Variants in LAIR2 observed in about 807,000 individuals in gnomAD.
LAIR2 encodes leukocyte associated immunoglobulin like receptor 2.
Under a neutral mutation model 14.8 loss-of-function variants are expected in LAIR2, and 14 were observed. That is an observed-to-expected ratio of 0.95 (90% CI 0.62 to 1.48). LAIR2 has a LOEUF of 1.48. LAIR2 is among the 40% of genes most tolerant of loss of function. The pLI is 0.00. For missense variants in LAIR2, 172 were observed against 180.9 expected (o/e 0.95, Z 0.28); for synonymous variants, 75 against 74.5 (o/e 1.01, Z -0.03).
intron 1 of LAIR2, among the ~76,000 whole-genome samples, chr19:54,503,265 A>T (rs1456990583): frequency 6.6e-6 from 1 of 151,982 alleles, no homozygotes; most frequent in East Asian, 1.9e-4. Context: ...GTTTGAGACC[A>T]GCCTGGCCAA....
intron 1 of LAIR2, 130 bp downstream of exon 1, chr19:54,503,082 A>T (rs186371342): frequency 1.2e-6 from 1 of 857,606 alleles, no homozygotes; most frequent in African/African-American, 1.7e-5. Context: ...AGACTGCCCT[A>T]CTGCTCTCCC....
At chr19:54,503,871 T>C (rs1361782743) in intron 2 of LAIR2, 136 bp downstream of exon 2, 1 of 1,091,762 alleles carries the variant, frequency 9.2e-7, no homozygotes, top group African/African-American at 1.6e-5. Flanking sequence ...CTATTCCAAA[T>C]GTAAAATGCA....
intron 2 of LAIR2, among the ~76,000 whole-genome samples, chr19:54,506,114 C>T (rs1198645547): frequency 3.3e-5 from 5 of 152,018 alleles, no homozygotes; most frequent in Admixed American, 1.3e-4. Flanking sequence ...TGTGAGACAC[C>T]GCGCCTGGTC....
intron 2 of LAIR2, among the ~76,000 whole-genome samples, chr19:54,505,376 C>G (rs1290035943): frequency 6.6e-6 from 1 of 152,012 alleles, no homozygotes; most frequent in African/African-American, 2.4e-5. Context: ...TGATTTCACT[C>G]TAAATTTTTC....
intron 2 of LAIR2, among the ~76,000 whole-genome samples, chr19:54,506,050 C>T (rs1471056390): frequency 6.6e-6 from 1 of 152,128 alleles, no homozygotes; most frequent in Non-Finnish European, 1.5e-5. Context: ...GTCTCGAACT[C>T]CTGACCTCAG....
intron 2 of LAIR2, among the ~76,000 whole-genome samples, chr19:54,506,534 T>G (rs544066890): frequency 6.6e-6 from 1 of 152,048 alleles, no homozygotes; most frequent in Non-Finnish European, 1.5e-5. Flanking sequence ...GCAGAGGAGG[T>G]CAGCTCCACC....
chr19:54,502,974 A>G (rs751699570), intron 1 of LAIR2, 22 bp downstream of exon 1: 104 of 1,604,024 alleles, frequency 6.5e-5, no homozygotes, highest in Middle Eastern at 1.7e-4. Context: ...AGGGAGCGGG[A>G]AGGACTGGAA....
At chr19:54,504,979 A>G (rs2085339073) in intron 2 of LAIR2, among the ~76,000 whole-genome samples, 1 of 152,126 alleles carries the variant, frequency 6.6e-6, no homozygotes, top group African/African-American at 2.4e-5. Flanking sequence ...ACTTAGCATA[A>G]TGTCCTCTGG....
chr19:54,508,528 A>C (rs1600099034), intron 3 of LAIR2, among the ~76,000 whole-genome samples: 1 of 152,266 alleles, frequency 6.6e-6, no homozygotes, highest in African/African-American at 2.4e-5. Flanking sequence ...GTCTTTTCAC[A>C]CAGGATTGAT....
intron 2 of LAIR2, among the ~76,000 whole-genome samples, chr19:54,506,887 T>C (rs2085373691): frequency 6.6e-6 from 1 of 152,204 alleles, no homozygotes; most frequent in Non-Finnish European, 1.5e-5. Context: ...AATCACAATA[T>C]ATCATACGCT....
chr19:54,506,766 A>C (rs1022513813), intron 2 of LAIR2, among the ~76,000 whole-genome samples: 3 of 152,248 alleles, frequency 2.0e-5, no homozygotes, highest in African/African-American at 7.2e-5. Flanking sequence ...TGGTTAAAAG[A>C]AAGAAAAATG....
chr19:54,505,672 C>T (rs1568447553), intron 2 of LAIR2, among the ~76,000 whole-genome samples: 1 of 152,180 alleles, frequency 6.6e-6, no homozygotes, highest in African/African-American at 2.4e-5. Context: ...TCAACCCAGG[C>T]ACCTCTCTTT....
rs1208260258 is a variant in LAIR2, at chr19:54,508,119, G to A, written c.299G>A (p.Arg100His). Residue 100 changes from arginine (R) to histidine (H), a missense_variant, in exon 3 of 5, where the codon CGC (arginine) becomes CAC (histidine). Around this residue, in one of 2 missense-constraint regions of LAIR2, gnomAD observed 161 missense variants for 149.0 expected, o/e 1.08. Coordinates refer to ENST00000301202, the MANE Select transcript of LAIR2 (RefSeq NM_002288.6). ...AGTGAAGGAAATGCCGGGCTTTATC[G>A]CTGCCTCTATTATAAGCCCCCTGGA... ...SVSEGNAGLY[R>H]CLYYKPPGWS... 1.2e-5 allele frequency: 19 copies of A among 1,613,996 alleles called. No individual in the cohort carries two copies. The African/African-American group carries it at 1.2e-4, about 10-fold the overall frequency.
At chr19:54,503,204 T>C (rs1284133504) in intron 1 of LAIR2, among the ~76,000 whole-genome samples, 2 of 151,922 alleles carry the variant, frequency 1.3e-5, no homozygotes, top group African/African-American at 4.8e-5. Context: ...CTCACACCTG[T>C]AATCCTAGCA....
At chr19:54,507,445 G>T (rs1242863147) in intron 2 of LAIR2, among the ~76,000 whole-genome samples, 1 of 152,124 alleles carries the variant, frequency 6.6e-6, no homozygotes, top group Non-Finnish European at 1.5e-5. Flanking sequence ...CCCACCCGGG[G>T]ACCGGCCAGT....
chr19:54,506,952 G>A (rs1568448225), intron 2 of LAIR2, among the ~76,000 whole-genome samples: 1 of 152,022 alleles, frequency 6.6e-6, no homozygotes, highest in Non-Finnish European at 1.5e-5. Context: ...AATTAACTAC[G>A]CAAAGTGAGG....
chr19:54,510,647 G>T lies in LAIR2; in HGVS notation c.*78G>T. ...GAATGAGCAATAGAAATGCACAGAT[G>T]CCTATACATACATATACAAATAAAA... On this transcript the variant is annotated 3_prime_UTR_variant, in exon 5 of 5. Coordinates refer to ENST00000301202, the MANE Select transcript of LAIR2 (RefSeq NM_002288.6). 6.6e-7 allele frequency: 1 copy of T among 1,504,406 alleles called. No homozygotes were observed. Among genetic ancestry groups the T allele is most frequent in the South Asian group, 1.1e-5 (1 of 88,620 alleles). The allele number at this position is 1,504,406 out of a possible 1,614,324, so 93.2% of individuals were successfully genotyped here. A position where few individuals can be genotyped will look rare whatever the true frequency, so the allele number is the denominator to read the frequency against.
At chr19:54,506,117 G>A (rs6509879) in intron 2 of LAIR2, among the ~76,000 whole-genome samples, 71,622 of 151,884 alleles carry the variant, frequency 0.47, 17,079 homozygotes, top group South Asian at 0.5. Flanking sequence ...GAGACACCGC[G>A]CCTGGTCTGA....
Position 54,502,968 on chromosome 19 carries a change from A to G in LAIR2, c.34+16A>G, listed in dbSNP as rs759180651. 6.2e-7 allele frequency: 1 copy of G among 1,608,012 alleles called. No homozygotes were observed. The highest frequency in any genetic ancestry group is 1.1e-5 in the South Asian group (1 of 90,482). On this transcript the variant is annotated intron_variant, in intron 1 of 4. Coordinates refer to ENST00000301202, the MANE Select transcript of LAIR2 (RefSeq NM_002288.6). Reference sequence around the variant, plus strand: ...CTGGGCCTAGGTGAGTCCTGGAGGGAGCGGGAAGGACTGGAAAGGGGGTCG... The same window carrying G: ...CTGGGCCTAGGTGAGTCCTGGAGGGGGCGGGAAGGACTGGAAAGGGGGTCG...
Sources: allele counts gnomAD v4.1 joint callset (sites outside exome capture counted in the v4.1 genomes callset), GRCh38; gene constraint gnomAD v4.1.1; regional missense constraint gnomAD v4.1.1; transcripts MANE v1.5; gene names NCBI Gene and HGNC (gene_info 2026-07-23, HGNC 2026-07-21).